ARFGEF3: variants seen among roughly 807,000 people sequenced by gnomAD.
ARFGEF3 encodes the protein brefeldin A-inhibited guanine nucleotide-exchange protein 3.
In ARFGEF3, 96 loss-of-function variants were observed where a neutral mutation model predicts 221.7. That is an observed-to-expected ratio of 0.43 (90% CI 0.37 to 0.51). The LOEUF (loss-of-function observed/expected upper bound fraction) is 0.51. ARFGEF3 is among the 20% of genes least tolerant of loss of function. The pLI, the probability that ARFGEF3 is intolerant of heterozygous loss-of-function variation, is 0.00. For missense variants in ARFGEF3, 2,410 were observed against 2,789.9 expected (o/e 0.86, Z 3.07); for synonymous variants, 1,145 against 1,126.8 (o/e 1.02, Z -0.32).
chr6:138,285,852 G>C lies in ARFGEF3; in HGVS notation c.2462-94G>C, dbSNP rs1244676568. 4 of 723,000 alleles carry C rather than the reference G, an allele frequency of 5.5e-6. No individual in the cohort carries two copies. In the African/African-American group the frequency reaches 7.0e-5, roughly 13 times the overall value. The allele number at this position is 723,000 out of a possible 1,614,324, so 44.8% of individuals were successfully genotyped here. A position where few individuals can be genotyped will look rare whatever the true frequency, so the allele number is the denominator to read the frequency against. ...TGCTTGAAACATAAAAGATACAAGG[G>C]ATATTTGTTAAAAATGAATATTGTG... is the stretch of plus-strand genomic sequence containing the variant. On this transcript the variant is annotated intron_variant, in intron 14 of 33. Coordinates refer to ENST00000251691, the MANE Select transcript of ARFGEF3 (RefSeq NM_020340.5).
At chr6:138,172,089 G>T (rs1009716702) in intron 2 of ARFGEF3, among the ~76,000 whole-genome samples, 1 of 152,124 alleles carries the variant, frequency 6.6e-6, no homozygotes, top group Non-Finnish European at 1.5e-5. Flanking sequence ...AACTGCTACA[G>T]GTTTACATAT....
intron 12 of ARFGEF3, among the ~76,000 whole-genome samples, chr6:138,267,504 G>A (rs1195238144): frequency 2.0e-5 from 3 of 152,202 alleles, no homozygotes; most frequent in Non-Finnish European, 4.4e-5. Flanking sequence ...TTAGCTCTCA[G>A]ATAACTTCTT....
At position 138,296,914 on chromosome 6, in the gene ARFGEF3, G is replaced by C; in HGVS notation, c.3607G>C (p.Val1203Leu). ...GAGCAAAGCACGGCCCCTGCTCCAC[G>C]TGATGCGCTGCTGGAGCCTTGTGGC... ...VRSKARPLLH[V>L]MRCWSLVAPH... The change falls in exon 21 of 34, where the codon GTG becomes CTG. Residue 1203 changes from valine (V) to leucine (L), a missense_variant. Val to Leu is a conservative substitution (Grantham distance 32). This residue lies in a region of ARFGEF3 where 723 missense variants were observed against 991.9 expected (regional missense o/e 0.73). Transcript: ENST00000251691. 1.2e-6 allele frequency: 2 copies of C among 1,613,930 alleles called. No individual in the cohort carries two copies. Among genetic ancestry groups the C allele is most frequent in the Non-Finnish European group, 1.7e-6 (2 of 1,179,856 alleles).
In ARFGEF3 at chr6:138,334,494, G is replaced by A. The variant is rs747945354; in HGVS notation, c.5648G>A (p.Arg1883Gln). ...RGKEKRQWRA[R>Q]MPLLSVQPVS... ...AAGGAGAAGAGACAGTGGCGGGCAC[G>A]GATGCCCTTGCTCAGCGTCCAGCCT... is the stretch of plus-strand genomic sequence containing the variant. Residue 1883 changes from arginine (R) to glutamine (Q), a missense_variant, in exon 33 of 34, where the codon CGG becomes CAG. By Grantham distance (43) the Arg-to-Gln change is conservative (BLOSUM62 1). Transcript: ENST00000251691. The surrounding 1 kb of genome is among the most constrained non-coding windows in gnomAD (Gnocchi z 5.1). 18 of 1,606,174 alleles carry A rather than the reference G, an allele frequency of 1.1e-5. No individual in the cohort carries two copies. Among genetic ancestry groups the A allele is most frequent in the Middle Eastern group, 1.6e-4 (1 of 6,074 alleles).
intron 5 of ARFGEF3, among the ~76,000 whole-genome samples, chr6:138,237,207 A>G (rs1035156617): frequency 6.6e-6 from 1 of 152,194 alleles, no homozygotes; most frequent in African/African-American, 2.4e-5. Flanking sequence ...CAAAGATTAA[A>G]ATGTAGTCTC....
At chr6:138,173,852 A>G (rs1446855352) in intron 2 of ARFGEF3, among the ~76,000 whole-genome samples, 1 of 152,206 alleles carries the variant, frequency 6.6e-6, no homozygotes, top group Non-Finnish European at 1.5e-5. Context: ...ATGTCTTTAC[A>G]TATTTTCACC....
chr6:138,330,163 T>G (rs1385907404), intron 32 of ARFGEF3, among the ~76,000 whole-genome samples: 1 of 152,120 alleles, frequency 6.6e-6, no homozygotes, highest in Non-Finnish European at 1.5e-5. Context: ...CATCTGGATG[T>G]GTACGTGCAG....
rs1197531108 is a variant in ARFGEF3 at position 138,312,713 on chromosome 6, T to G, written c.4201-1082T>G. Among the ~76,000 whole-genome samples the G allele has an allele frequency of 5.3e-5, 8 of 152,168 alleles. No individual in the cohort carries two copies. The East Asian group carries it at 1.5e-3, about 29-fold the overall frequency. ...CAATTCCTGCCAAGATCCCCCACTT[T>G]TTTGTTTGTTTGTTTGTTTGCACAG... On this transcript the variant is annotated intron_variant, in intron 25 of 33. Coordinates refer to ENST00000251691, the MANE Select transcript of ARFGEF3 (RefSeq NM_020340.5).
chr6:138,198,596 T>C (rs113068958), intron 2 of ARFGEF3, among the ~76,000 whole-genome samples: 17 of 152,290 alleles, frequency 1.1e-4, no homozygotes, highest in Middle Eastern at 3.4e-3. Flanking sequence ...GTCACCACAG[T>C]GAGGGTAGAA....
At chr6:138,227,798 TA>T (rs770996837) in intron 4 of ARFGEF3, among the ~76,000 whole-genome samples, 26 of 152,152 alleles carry the variant, frequency 1.7e-4, no homozygotes, top group Non-Finnish European at 3.2e-4. Context: ...TGCTCTGAAG[TA>T]AATGAAACAA....
intron 17 of ARFGEF3, among the ~76,000 whole-genome samples, chr6:138,287,423 G>A (rs961120123): frequency 6.6e-6 from 1 of 152,188 alleles, no homozygotes; most frequent in Non-Finnish European, 1.5e-5. Context: ...CAAGGAAAGT[G>A]CAGCAGGCCC....
chr6:138,166,694 T>C (rs1451441078), intron 1 of ARFGEF3, among the ~76,000 whole-genome samples: 6 of 151,932 alleles, frequency 3.9e-5, no homozygotes, highest in Non-Finnish European at 5.9e-5. Context: ...TGGGATGAAA[T>C]AGAATTGCAG....
Position 138,334,278 on chromosome 6 carries a change from C to T in ARFGEF3, c.5432C>T (p.Ala1811Val), listed in dbSNP as rs1463417276. ...GGAANLYRQS[A>V]MSFNIYFHAL... ...GCCGCCAACCTCTACCGCCAGTCTGCGATGAGCTTTAACATTTATTTCCAC... is the reference window on the plus strand; with the variant it reads ...GCCGCCAACCTCTACCGCCAGTCTGTGATGAGCTTTAACATTTATTTCCAC... The change falls in exon 33 of 34, where the codon GCG (alanine) becomes GTG (valine). Residue 1811 changes from alanine (A) to valine (V), a missense_variant. Physicochemically the swap from Ala to Val is moderately conservative, Grantham distance 64. Coordinates refer to ENST00000251691, the MANE Select transcript of ARFGEF3 (RefSeq NM_020340.5). This position sits in a 1 kb window ranked among gnomAD's most constrained non-coding sequence, Gnocchi z 5.1. 3.1e-6 allele frequency: 5 copies of T among 1,613,752 alleles called. No individual in the cohort carries two copies. Among genetic ancestry groups the T allele is most frequent in the South Asian group, 1.1e-5 (1 of 91,004 alleles).
At chr6:138,243,046 CCTA>C in intron 7 of ARFGEF3, 52 bp downstream of exon 7, 1 of 1,410,292 alleles carries the variant, frequency 7.1e-7, no homozygotes, top group Non-Finnish European at 1.0e-6. Context: ...TGTGAGAATG[CCTA>C]CTGTGTGCTT....
rs568486393 is a variant in ARFGEF3, at chr6:138,343,343, G to C, written c.*6857G>C. 6.6e-6 allele frequency: 1 copy of C among 152,096 alleles called. No homozygotes were observed. Among genetic ancestry groups the C allele is most frequent in the Non-Finnish European group, 1.5e-5 (1 of 68,022 alleles). 9.4% of individuals were successfully genotyped at this position (152,096 alleles called of 1,614,324 possible). ...ATTAGTTTAGACTATTGTAGGAATG[G>C]AAGGAAATGATTATATTTACTAGAA... On this transcript the variant is annotated 3_prime_UTR_variant, in exon 34 of 34. Transcript: ENST00000251691.
chr6:138,250,711 G>C (rs1156909837), intron 8 of ARFGEF3, among the ~76,000 whole-genome samples: 1 of 152,250 alleles, frequency 6.6e-6, no homozygotes, highest in East Asian at 1.9e-4. Context: ...CCACGCCTGA[G>C]CGTTGTTCTC....
intron 14 of ARFGEF3, among the ~76,000 whole-genome samples, chr6:138,282,825 G>T (rs1299832527): frequency 6.6e-6 from 1 of 152,176 alleles, no homozygotes. Flanking sequence ...GAGGCGGGTG[G>T]ATCACTTGAG....
At chr6:138,175,182 TATTGA>T (rs1278240320) in intron 2 of ARFGEF3, among the ~76,000 whole-genome samples, 2 of 152,216 alleles carry the variant, frequency 1.3e-5, no homozygotes, top group Non-Finnish European at 2.9e-5. Context: ...ATGCAGAGCC[TATTGA>T]TATTCAATGC....
chr6:138,282,361 G>A (rs561349160), intron 14 of ARFGEF3, among the ~76,000 whole-genome samples: 20 of 152,296 alleles, frequency 1.3e-4, no homozygotes, highest in African/African-American at 4.3e-4. Context: ...CACACAGCTC[G>A]GCATTGCTCT....
Sources: allele counts gnomAD v4.1 joint callset (sites outside exome capture counted in the v4.1 genomes callset), GRCh38; gene constraint gnomAD v4.1.1; regional missense constraint gnomAD v4.1.1; non-coding constraint Gnocchi (gnomAD v3.1); transcripts MANE v1.5; gene names NCBI Gene and HGNC (gene_info 2026-07-23, HGNC 2026-07-21).